The following ANKRD12 variants were observed in gnomAD, a reference collection of about 807,000 sequenced individuals.
ANKRD12 encodes ankyrin repeat domain 12.
ANKRD12 carries 85 observed loss-of-function variants against 183.4 expected under a neutral mutation model. The ratio of observed to expected loss-of-function variants is 0.46; its 90% CI spans 0.39 to 0.56. The LOEUF (loss-of-function observed/expected upper bound fraction) is 0.56, where lower values mean the gene tolerates loss of function less well. Ranked by LOEUF, ANKRD12 falls within the 20% of genes least tolerant of loss-of-function variation. The pLI is 0.00. For synonymous variants in ANKRD12, 914 were observed against 800.2 expected, an observed-to-expected ratio of 1.14 and a Z score of -2.40; for missense variants, 2,405 against 2,357.1, an observed-to-expected ratio of 1.02 and a Z score of -0.42.
chr18:9,255,318 A>G lies in ANKRD12; in HGVS notation c.2051A>G (p.Glu684Gly), dbSNP rs1217168066. The change falls in exon 9 of 13, where the codon GAA becomes GGA. Residue 684 changes from glutamate (E) to glycine (G), a missense_variant. By Grantham distance (98) the Glu-to-Gly change is moderately conservative (BLOSUM62 -2). Coordinates refer to ENST00000262126, the MANE Select transcript of ANKRD12 (RefSeq NM_015208.5). Reference protein sequence around the residue: ...EKYKTKDSAKELQRSVEFDRE... With the variant: ...EKYKTKDSAKGLQRSVEFDRE... The stretch of plus-strand genomic sequence containing the variant: ...TACAAAACTAAGGATAGTGCCAAAG[A>G]ACTGCAGAGGAGTGTGGAATTTGAT... The G allele has an allele frequency of 7.5e-6, 12 of 1,595,690 alleles. No homozygotes were observed. Among genetic ancestry groups the G allele is most frequent in the Non-Finnish European group, 1.0e-5 (12 of 1,175,536 alleles).
chr18:9,268,882 C>T (rs1567999416), intron 10 of ANKRD12, among the ~76,000 whole-genome samples: 1 of 152,238 alleles, frequency 6.6e-6, no homozygotes, highest in Admixed American at 6.5e-5. Flanking sequence ...CCCATCGTCT[C>T]AGCCCCAAAT....
chr18:9,204,519 T>G lies in ANKRD12; in HGVS notation c.279T>G (p.Leu93=). 1 of 1,601,000 alleles carries G rather than the reference T, an allele frequency of 6.2e-7. No homozygotes were observed. The change falls in exon 4 of 13, where the codon CTT becomes CTG. Residue 93 remains leucine, a synonymous_variant. Coordinates refer to ENST00000262126, the MANE Select transcript of ANKRD12 (RefSeq NM_015208.5). ...GHTSENWGER[L]ISSYRTYSEK... Reference sequence around the variant, plus strand: ...CAAGTGAAAATTGGGGGGAGAGACTTATATCTTCTTACAGGACATACTCAG... The same window carrying G: ...CAAGTGAAAATTGGGGGGAGAGACTGATATCTTCTTACAGGACATACTCAG...
At chr18:9,151,982 C>T (rs758200503) in intron 1 of ANKRD12, among the ~76,000 whole-genome samples, 19 of 151,898 alleles carry the variant, frequency 1.3e-4, no homozygotes, top group Non-Finnish European at 2.1e-4. Context: ...TTTGAGAGGC[C>T]GAAGCAGGAG....
intron 1 of ANKRD12, among the ~76,000 whole-genome samples, chr18:9,137,268 T>G (rs2078138525): frequency 1.4e-5 from 2 of 146,230 alleles, no homozygotes; most frequent in East Asian, 2.0e-4. Flanking sequence ...GCGGCGCAGG[T>G]GGGAGCCGCC....
intron 1 of ANKRD12, among the ~76,000 whole-genome samples, chr18:9,163,735 A>G (rs981985679): frequency 6.6e-6 from 1 of 152,068 alleles, no homozygotes. Flanking sequence ...CTTCTCCTTG[A>G]AGAGGTCCTT....
Position 9,256,739 on chromosome 18 carries a change from G to A in ANKRD12, c.3472G>A (p.Asp1158Asn). The change falls in exon 9 of 13, where the codon GAT becomes AAT. Residue 1158 changes from aspartate (D) to asparagine (N), a missense_variant. This residue lies in a region of ANKRD12 where 1,983 missense variants were observed against 1,725.9 expected (regional missense o/e 1.15). Coordinates refer to ENST00000262126, the MANE Select transcript of ANKRD12 (RefSeq NM_015208.5). Reference protein sequence around the residue: ...DAYTKEKQPKDAVSNRSQSVD... With the variant: ...DAYTKEKQPKNAVSNRSQSVD... ...ATATACCAAGGAGAAACAACCTAAA[G>A]ATGCTGTAAGTAACAGATCACAATC... 1.8e-5 allele frequency: 29 copies of A among 1,612,924 alleles called. No individual in the cohort carries two copies. The highest frequency in any genetic ancestry group is 2.5e-5 in the Non-Finnish European group (29 of 1,179,646).
At chr18:9,198,406 C>A (rs9961842) in intron 3 of ANKRD12, among the ~76,000 whole-genome samples, 4,810 of 151,904 alleles carry the variant, frequency 0.032, 200 homozygotes, top group East Asian at 0.19. Flanking sequence ...TCTGAATCAC[C>A]CAGTGGTTAT....
intron 1 of ANKRD12, among the ~76,000 whole-genome samples, chr18:9,180,125 T>G (rs145012929): frequency 6.6e-6 from 1 of 152,220 alleles, no homozygotes; most frequent in Non-Finnish European, 1.5e-5. Context: ...GTTTCATGTA[T>G]TTTGAAGCTC....
At chr18:9,250,322 A>G (rs562961129) in intron 8 of ANKRD12, 5 of 152,270 alleles carry the variant, frequency 3.3e-5, no homozygotes, top group African/African-American at 1.2e-4. Context: ...GAGAAGAGAT[A>G]TGATAGATAG....
chr18:9,155,286 T>C (rs1212162723), intron 1 of ANKRD12, among the ~76,000 whole-genome samples: 2 of 152,192 alleles, frequency 1.3e-5, no homozygotes, highest in African/African-American at 4.8e-5. Flanking sequence ...AAGAGTATAA[T>C]TGGGTTGTTT....
Position 9,258,589 on chromosome 18 carries a change from T to C in ANKRD12, c.5322T>C (p.Thr1774=). 6.2e-7 allele frequency: 1 copy of C among 1,613,874 alleles called. No individual in the cohort carries two copies. The highest frequency in any genetic ancestry group is 1.7e-5 in the Admixed American group (1 of 59,916). ...SSSPRGRIRL[T]EDDDPQIHHP... is the part of the protein sequence containing the mutation. ...CTCCTAGAGGAAGAATAAGATTAACTGAAGATGACGATCCTCAAATTCACC... is the reference window on the plus strand; with the variant it reads ...CTCCTAGAGGAAGAATAAGATTAACCGAAGATGACGATCCTCAAATTCACC... The change falls in exon 9 of 13, where the codon ACT becomes ACC. Residue 1774 remains threonine (T), a synonymous_variant. Coordinates refer to ENST00000262126, the MANE Select transcript of ANKRD12 (RefSeq NM_015208.5).
rs776266860 is a variant in ANKRD12 at position 9,221,905 on chromosome 18, T to C, written c.849T>C (p.His283=). ...GAAATCCATTTCAAGCTAATAAACA[T>C]GGGGAGCGTCCAGTGGATGTAGCAG... ...HGGNPFQANK[H]GERPVDVAET... The change falls in exon 8 of 13, where the codon CAT becomes CAC. Residue 283 remains histidine, a synonymous_variant. Coordinates refer to ENST00000262126, the MANE Select transcript of ANKRD12 (RefSeq NM_015208.5). 3 of 1,613,862 alleles carry C rather than the reference T, an allele frequency of 1.9e-6. No homozygotes were observed. The highest frequency in any genetic ancestry group is 2.5e-6 in the Non-Finnish European group (3 of 1,179,930).
intron 10 of ANKRD12, among the ~76,000 whole-genome samples, chr18:9,272,171 G>A (rs898916880): frequency 2.0e-5 from 3 of 152,184 alleles, no homozygotes; most frequent in African/African-American, 7.2e-5. Context: ...AATTAAGAAT[G>A]CTGATCGAAA....
At chr18:9,159,642 T>C (rs2031118939) in intron 1 of ANKRD12, among the ~76,000 whole-genome samples, 1 of 150,272 alleles carries the variant, frequency 6.7e-6, no homozygotes, top group African/African-American at 2.5e-5. Context: ...GGTTTCGCCG[T>C]GTTAGCCAGG....
Position 9,211,653 on chromosome 18 carries a change from A to C in ANKRD12, c.521A>C (p.Gln174Pro), listed in dbSNP as rs761946926. Residue 174 changes from glutamine to proline, a missense_variant, in exon 6 of 13, where the codon CAG (glutamine) becomes CCG (proline). Physicochemically the swap from Gln to Pro is moderately conservative, Grantham distance 76. Coordinates refer to ENST00000262126, the MANE Select transcript of ANKRD12 (RefSeq NM_015208.5). ...QKKTPSSSSR[Q>P]KDKVNKRNER... ...AAAACTCCCAGTTCTTCATCTCGACAGAAAGATAAAGTTAATAAAAGAAAT... is the reference window on the plus strand; with the variant it reads ...AAAACTCCCAGTTCTTCATCTCGACCGAAAGATAAAGTTAATAAAAGAAAT... The C allele has an allele frequency of 1.9e-6, 3 of 1,613,898 alleles. No individual in the cohort carries two copies. Among genetic ancestry groups the C allele is most frequent in the East Asian group, 4.5e-5 (2 of 44,840 alleles).
chr18:9,175,201 T>C (rs1387831317), intron 1 of ANKRD12, among the ~76,000 whole-genome samples: 1 of 152,170 alleles, frequency 6.6e-6, no homozygotes, highest in Admixed American at 6.6e-5. Flanking sequence ...TCTAAAGTGA[T>C]CTCAAAATAG....
intron 1 of ANKRD12, among the ~76,000 whole-genome samples, chr18:9,162,862 C>G (rs1195143504): frequency 6.6e-6 from 1 of 151,930 alleles, no homozygotes; most frequent in Non-Finnish European, 1.5e-5. Flanking sequence ...AGTGTCTGTT[C>G]ATGTTCTTTG....
intron 11 of ANKRD12, among the ~76,000 whole-genome samples, chr18:9,278,039 C>CGAGA (rs2039936488): frequency 6.6e-6 from 1 of 152,174 alleles, no homozygotes; most frequent in African/African-American, 2.4e-5. Flanking sequence ...ACAGGCCTCT[C>CGAGA]TCAAACCTTG....
intron 1 of ANKRD12, among the ~76,000 whole-genome samples, chr18:9,181,840 A>G (rs1385865758): frequency 6.6e-6 from 1 of 152,198 alleles, no homozygotes; most frequent in East Asian, 1.9e-4. Context: ...AATAATGTAT[A>G]CAGTGGTGAT....
Sources: gnomAD v4.1 joint callset for allele counts (sites outside exome capture counted in the v4.1 genomes callset) on GRCh38, gnomAD v4.1.1 for gene constraint, gnomAD v4.1.1 regional missense constraint, MANE v1.5 for transcripts, NCBI Gene and HGNC (gene_info 2026-07-23, HGNC 2026-07-21) for gene names.